The following NKAIN2 variants were observed in gnomAD, a reference collection of about 807,000 sequenced individuals.
The protein encoded by NKAIN2 is sodium/potassium transporting ATPase interacting 2, also known as sodium/potassium-transporting ATPase subunit beta-1-interacting protein 2.
NKAIN2 carries 14 observed loss-of-function variants against 32.6 expected under a neutral mutation model. The ratio of observed to expected loss-of-function variants is 0.43; its 90% confidence interval spans 0.28 to 0.67. The LOEUF is 0.67. Among genes scored for constraint, NKAIN2 ranks in the 30% least tolerant of loss-of-function variants. The pLI is 0.17. For synonymous variants in NKAIN2, 80 were observed against 87.2 expected (o/e 0.92, Z 0.46); for missense variants, 198 against 258.3 (o/e 0.77, Z 1.60).
intron 1 of NKAIN2, among the ~76,000 whole-genome samples, chr6:124,249,687 T>C (rs1374194252): frequency 6.6e-6 from 1 of 151,888 alleles, no homozygotes; most frequent in Non-Finnish European, 1.5e-5. Flanking sequence ...GTGGGACCCA[T>C]GGGAGTTTAG....
chr6:124,244,379 T>G lies in NKAIN2; in HGVS notation c.55-38626T>G, dbSNP rs565638905. Among the ~76,000 whole-genome samples the G allele has an allele frequency of 1.3e-4, 20 of 151,950 alleles. No individual in the cohort carries two copies. In the East Asian group the frequency reaches 3.1e-3, roughly 24 times the overall value. On this transcript the variant is annotated intron_variant, in intron 1 of 6. Transcript: ENST00000368417. ...TCTTGCGATAGTTTACTGAGAATGA[T>G]GATTTCCAGTTTCATCCATGTCCCT...
At chr6:124,546,582 T>G (rs113520157) in intron 3 of NKAIN2, among the ~76,000 whole-genome samples, 3 of 152,000 alleles carry the variant, frequency 2.0e-5, no homozygotes, top group African/African-American at 7.2e-5. Context: ...TATATATATA[T>G]CTCCCCTACC....
At chr6:124,141,838 C>T (rs540905816) in intron 1 of NKAIN2, among the ~76,000 whole-genome samples, 4 of 152,260 alleles carry the variant, frequency 2.6e-5, no homozygotes, top group African/African-American at 9.6e-5. Context: ...TGAACCCAAC[C>T]TCAGTGCTTC....
rs570097724 is a variant in NKAIN2 at position 124,685,293 on chromosome 6, C to G, written c.474+26907C>G. Among the ~76,000 whole-genome samples the G allele has an allele frequency of 2.6e-3, 390 of 152,190 alleles. 3 individuals carry two copies. The highest frequency in any genetic ancestry group is 4.4e-3 in the Non-Finnish European group (300 of 68,016). The stretch of plus-strand genomic sequence containing the variant: ...AGTTTCTGTGAAAAGGTGAACAATT[C>G]TACTTTAAACTAAAAAGGCAGAGAA... On this transcript the variant is annotated intron_variant, in intron 4 of 6. Coordinates refer to ENST00000368417, the MANE Select transcript of NKAIN2 (RefSeq NM_001040214.3).
At chr6:124,109,734 G>T (rs2114967069) in intron 1 of NKAIN2, among the ~76,000 whole-genome samples, 1 of 151,868 alleles carries the variant, frequency 6.6e-6, no homozygotes, top group Non-Finnish European at 1.5e-5. Flanking sequence ...TATTAGTTGT[G>T]GACTTTTCAT....
In NKAIN2 at chr6:124,611,138, ACT is replaced by A. The variant is rs539212248; in HGVS notation, c.274-47045_274-47044del. ...AATAGCTCATTTAAATATTATCCAA[ACT>A]CTACTTCTTTTAAAATAATTTTTTC... On this transcript the variant is annotated intron_variant, in intron 3 of 6. Coordinates refer to ENST00000368417, the MANE Select transcript of NKAIN2 (RefSeq NM_001040214.3). Among the ~76,000 whole-genome samples the A allele has an allele frequency of 1.2e-4, 18 of 152,088 alleles. No individual in the cohort carries two copies. The South Asian group carries it at 3.1e-3, about 26-fold the overall frequency.
At chr6:124,047,309 G>A (rs1190634243) in intron 1 of NKAIN2, among the ~76,000 whole-genome samples, 6 of 151,928 alleles carry the variant, frequency 3.9e-5, no homozygotes, top group Admixed American at 3.9e-4. Context: ...TAACTATTTA[G>A]GTAATCTGCA....
rs373916922 is a variant in NKAIN2 at position 124,501,053 on chromosome 6, G to C, written c.273+145706G>C. 4.1e-4 allele frequency among the ~76,000 whole-genome samples: 63 copies of C among 152,260 alleles called. 1 individual carries two copies. The South Asian group carries it at 0.013, about 31-fold the overall frequency. Reference sequence around the variant, plus strand: ...GCCATTGTACAATAAAAAGCAGAGCGGTGAGGTAATAAAAGCAATGCTTTA... The same window carrying C: ...GCCATTGTACAATAAAAAGCAGAGCCGTGAGGTAATAAAAGCAATGCTTTA... On this transcript the variant is annotated intron_variant, in intron 3 of 6. Coordinates refer to ENST00000368417, the MANE Select transcript of NKAIN2 (RefSeq NM_001040214.3).
At chr6:124,210,231 C>T (rs554485476) in intron 1 of NKAIN2, among the ~76,000 whole-genome samples, 3 of 151,420 alleles carry the variant, frequency 2.0e-5, no homozygotes, top group Admixed American at 6.6e-5. Flanking sequence ...TGTATGTTCT[C>T]GGCACTTTTT....
At chr6:124,437,874 T>TTTTTTTG (rs1215239398) in intron 3 of NKAIN2, 1 of 312,186 alleles carries the variant, frequency 3.2e-6, no homozygotes, top group African/African-American at 4.5e-5. Flanking sequence ...ATCTATTGAT[T>TTTTTTTG]TTTTTTTTTT....
chr6:124,694,031 C>T (rs1056188361), intron 4 of NKAIN2, among the ~76,000 whole-genome samples: 1 of 152,130 alleles, frequency 6.6e-6, no homozygotes, highest in African/African-American at 2.4e-5. Context: ...AAATCAGTAA[C>T]CCAAGTCAAT....
Position 124,324,576 on chromosome 6 carries a change from T to C in NKAIN2, c.193-30691T>C, listed in dbSNP as rs1316327239. On this transcript the variant is annotated intron_variant, in intron 2 of 6. Coordinates refer to ENST00000368417, the MANE Select transcript of NKAIN2 (RefSeq NM_001040214.3). ...TCTTTTAATTACTTTTCTTGCATGATTGTGCTGGCTAGAAATTCTAGTACT... is the reference window on the plus strand; with the variant it reads ...TCTTTTAATTACTTTTCTTGCATGACTGTGCTGGCTAGAAATTCTAGTACT... 2.0e-5 allele frequency among the ~76,000 whole-genome samples: 3 copies of C among 152,134 alleles called. No individual in the cohort carries two copies. In the East Asian group the frequency reaches 5.8e-4, roughly 29 times the overall value.
chr6:124,681,603 T>C (rs1773622983), intron 4 of NKAIN2, among the ~76,000 whole-genome samples: 1 of 152,092 alleles, frequency 6.6e-6, no homozygotes, highest in South Asian at 2.1e-4. Flanking sequence ...GGGGTGATTA[T>C]TTATTGTTAT....
At chr6:124,793,921 T>G (rs1322121641) in intron 5 of NKAIN2, among the ~76,000 whole-genome samples, 1 of 152,064 alleles carries the variant, frequency 6.6e-6, no homozygotes, top group Non-Finnish European at 1.5e-5. Flanking sequence ...GAATACCACA[T>G]GCCCCACATG....
intron 2 of NKAIN2, among the ~76,000 whole-genome samples, chr6:124,311,305 C>G (rs1211388121): frequency 6.6e-6 from 1 of 152,072 alleles, no homozygotes; most frequent in East Asian, 1.9e-4. Flanking sequence ...ACAGATAAGA[C>G]TACTATATCC....
At chr6:123,827,635 A>G (rs935298060) in intron 1 of NKAIN2, among the ~76,000 whole-genome samples, 1 of 152,190 alleles carries the variant, frequency 6.6e-6, no homozygotes, top group Non-Finnish European at 1.5e-5. Flanking sequence ...GTGTATTTTA[A>G]CACAGATATC....
At chr6:124,182,631 A>G (rs1178615135) in intron 1 of NKAIN2, among the ~76,000 whole-genome samples, 2 of 152,194 alleles carry the variant, frequency 1.3e-5, no homozygotes, top group Non-Finnish European at 2.9e-5. Context: ...TTTATTTGAA[A>G]AGAAGCCAAT....
intron 3 of NKAIN2, among the ~76,000 whole-genome samples, chr6:124,481,920 G>C (rs72971751): frequency 1.1e-4 from 17 of 152,142 alleles, no homozygotes; most frequent in Non-Finnish European, 2.4e-4. Context: ...GCCTTATAAA[G>C]AGCCTTAGTG....
intron 3 of NKAIN2, among the ~76,000 whole-genome samples, chr6:124,564,995 C>T (rs1396107723): frequency 6.6e-6 from 1 of 152,004 alleles, no homozygotes; most frequent in Non-Finnish European, 1.5e-5. Context: ...TTTCACCACT[C>T]AGTTTTATCA....
Sources: allele counts gnomAD v4.1 joint callset (sites outside exome capture counted in the v4.1 genomes callset), GRCh38; gene constraint gnomAD v4.1.1; transcripts MANE v1.5; gene names NCBI Gene and HGNC (gene_info 2026-07-23, HGNC 2026-07-21).